The following PRKN variants were observed in gnomAD, a reference collection of about 807,000 sequenced individuals.
PRKN encodes parkin RBR E3 ubiquitin protein ligase, also known as E3 ubiquitin-protein ligase parkin.
In PRKN, 56 loss-of-function variants were observed where a neutral mutation model predicts 59.5. The ratio of observed to expected loss-of-function variants is 0.94; its 90% CI spans 0.76 to 1.18. The LOEUF is 1.18. Among genes scored for constraint, PRKN ranks in the 50% most tolerant of loss-of-function variants. PRKN has a pLI of 0.00. For synonymous variants in PRKN, 250 were observed against 222.1 expected (o/e 1.13, Z -1.12); for missense variants, 657 against 596.4 (o/e 1.10, Z -1.06).
chr6:161,402,414 T>G lies in PRKN; in HGVS notation c.1084-15537A>C, dbSNP rs1300733363. On this transcript the variant is annotated intron_variant, in intron 9 of 11. Transcript: ENST00000366898. The surrounding 1 kb of genome is among the most constrained non-coding windows in gnomAD (Gnocchi z 4.5). ...GCAAGTGACTGTGTCCCAGGGCGGC[T>G]GAGATAATGCGCGGATCTCAGGTGA... 6.6e-6 allele frequency among the ~76,000 whole-genome samples: 1 copy of G among 152,168 alleles called. No homozygotes were observed. Among genetic ancestry groups the G allele is most frequent in the East Asian group, 1.9e-4 (1 of 5,200 alleles).
chr6:161,362,633 G>A lies in PRKN; in HGVS notation c.1168-2428C>T, dbSNP rs1785020586. ...CCTAACCATCAGGCCTCGGACACGAGGGTTGGTGAAAAGAATTCATCCTAT... is the reference window on the plus strand; with the variant it reads ...CCTAACCATCAGGCCTCGGACACGAAGGTTGGTGAAAAGAATTCATCCTAT... On this transcript the variant is annotated intron_variant, in intron 10 of 11. Coordinates refer to ENST00000366898, the MANE Select transcript of PRKN (RefSeq NM_004562.3). The surrounding 1 kb of genome is among the most constrained non-coding windows in gnomAD (Gnocchi z 5.2). 6.6e-6 allele frequency among the ~76,000 whole-genome samples: 1 copy of A among 152,206 alleles called. No homozygotes were observed. Among genetic ancestry groups the A allele is most frequent in the African/African-American group, 2.4e-5 (1 of 41,448 alleles).
In PRKN at chr6:162,118,511, T is replaced by C. The variant is rs527816672; in HGVS notation, c.535-64337A>G. Among the ~76,000 whole-genome samples the C allele has an allele frequency of 1.3e-5, 2 of 152,328 alleles. 1 individual carries two copies. Among genetic ancestry groups the C allele is most frequent in the South Asian group, 4.1e-4 (2 of 4,824 alleles). Reference sequence around the variant, plus strand: ...TTCCCCTAGTTTTCAATATTATACATGAATGTATTTGCTTCATTTTTACAA... The same window carrying C: ...TTCCCCTAGTTTTCAATATTATACACGAATGTATTTGCTTCATTTTTACAA... On this transcript the variant is annotated intron_variant, in intron 4 of 11. Coordinates refer to ENST00000366898, the MANE Select transcript of PRKN (RefSeq NM_004562.3).
intron 6 of PRKN, among the ~76,000 whole-genome samples, chr6:161,798,107 G>A (rs181760337): frequency 3.9e-5 from 6 of 152,204 alleles, no homozygotes; most frequent in East Asian, 1.9e-4. Flanking sequence ...AGGCTAAGGC[G>A]GGAGAATGGC....
intron 1 of PRKN, among the ~76,000 whole-genome samples, chr6:162,702,070 T>G (rs1778177782): frequency 6.6e-6 from 1 of 152,166 alleles, no homozygotes. Context: ...TAAATTGATA[T>G]GTCTTTAAAA....
intron 7 of PRKN, among the ~76,000 whole-genome samples, chr6:161,669,011 G>C (rs894196032): frequency 6.6e-6 from 1 of 152,174 alleles, no homozygotes; most frequent in East Asian, 1.9e-4. Context: ...TAAGAAGTGG[G>C]CCTTTGGGAG....
At chr6:161,891,576 C>G (rs916202273) in intron 6 of PRKN, among the ~76,000 whole-genome samples, 1 of 152,134 alleles carries the variant, frequency 6.6e-6, no homozygotes, top group Non-Finnish European at 1.5e-5. Flanking sequence ...TTTAGAGTGT[C>G]TTCCAAGTAC....
chr6:162,094,945 T>C (rs535304640), intron 4 of PRKN, among the ~76,000 whole-genome samples: 1 of 152,232 alleles, frequency 6.6e-6, no homozygotes, highest in South Asian at 2.1e-4. Context: ...GCAAATAGTA[T>C]TGATGGAGAT....
chr6:162,723,328 C>G (rs965521138), intron 1 of PRKN, among the ~76,000 whole-genome samples: 1 of 152,222 alleles, frequency 6.6e-6, no homozygotes, highest in African/African-American at 2.4e-5. Context: ...TGTTTTTCAT[C>G]TGTCAAGACG....
At chr6:162,602,228 G>A (rs1207133135) in intron 1 of PRKN, among the ~76,000 whole-genome samples, 1 of 152,238 alleles carries the variant, frequency 6.6e-6, no homozygotes, top group East Asian at 1.9e-4. Context: ...GCTTTAGCCA[G>A]ATGAGGTGGC....
intron 7 of PRKN, among the ~76,000 whole-genome samples, chr6:161,630,481 T>A (rs1427342222): frequency 6.6e-6 from 1 of 152,124 alleles, no homozygotes; most frequent in African/African-American, 2.4e-5. Context: ...TAAACCAAAT[T>A]TATTTAATTT....
At chr6:161,844,435 T>C (rs541982133) in intron 6 of PRKN, among the ~76,000 whole-genome samples, 11 of 152,338 alleles carry the variant, frequency 7.2e-5, no homozygotes, top group African/African-American at 2.2e-4. Flanking sequence ...ACTCTAAGCC[T>C]GAAAGGCCAT....
In PRKN at chr6:161,377,041, G is replaced by A. The variant is rs974369744; in HGVS notation, c.1167+9753C>T. 2.0e-5 allele frequency among the ~76,000 whole-genome samples: 3 copies of A among 152,258 alleles called. No individual in the cohort carries two copies. The highest frequency in any genetic ancestry group is 2.0e-4 in the Admixed American group (3 of 15,286). On this transcript the variant is annotated intron_variant, in intron 10 of 11. Coordinates refer to ENST00000366898, the MANE Select transcript of PRKN (RefSeq NM_004562.3). The surrounding 1 kb of genome is among the most constrained non-coding windows in gnomAD (Gnocchi z 4.2). The stretch of plus-strand genomic sequence containing the variant: ...AAGGGCAGGGTCAGGCGGCATGCAA[G>A]CGCCCTGTCTCTGCGGCTGTGCACG...
intron 2 of PRKN, among the ~76,000 whole-genome samples, chr6:162,364,506 AAAGT>A (rs926049708): frequency 1.3e-5 from 2 of 152,218 alleles, no homozygotes; most frequent in African/African-American, 4.8e-5. Context: ...AGAAAGAAAG[AAAGT>A]ATCTACTTGG....
chr6:162,437,574 C>T (rs1405467236), intron 2 of PRKN, among the ~76,000 whole-genome samples: 1 of 152,154 alleles, frequency 6.6e-6, no homozygotes, highest in African/African-American at 2.4e-5. Context: ...TCGTACCCTC[C>T]TCTCACCTGC....
intron 2 of PRKN, among the ~76,000 whole-genome samples, chr6:162,401,230 T>C (rs189871297): frequency 5.3e-5 from 8 of 151,628 alleles, no homozygotes; most frequent in Admixed American, 4.6e-4. Flanking sequence ...AAAATAGAAA[T>C]TGCTGAATCA....
chr6:161,793,623 T>G (rs1411918696), intron 6 of PRKN, among the ~76,000 whole-genome samples: 2 of 151,318 alleles, frequency 1.3e-5, no homozygotes, highest in East Asian at 3.9e-4. Flanking sequence ...TGAAGACAAA[T>G]AATTAATTAT....
At chr6:162,611,894 G>T (rs1782169011) in intron 1 of PRKN, among the ~76,000 whole-genome samples, 1 of 152,082 alleles carries the variant, frequency 6.6e-6, no homozygotes, top group Non-Finnish European at 1.5e-5. Flanking sequence ...TGTATATAAA[G>T]AAATGATACA....
At chr6:162,293,661 C>A (rs1562646732) in intron 2 of PRKN, among the ~76,000 whole-genome samples, 1 of 151,050 alleles carries the variant, frequency 6.6e-6, no homozygotes, top group East Asian at 1.9e-4. Flanking sequence ...GGGCTCTCCT[C>A]CCAGCCTGAA....
At chr6:161,977,542 G>GTTTTTTTTTTTTTTTTTT (rs1554256833) in intron 5 of PRKN, among the ~76,000 whole-genome samples, 1 of 104,520 alleles carries the variant, frequency 9.6e-6, no homozygotes. Flanking sequence ...TGTTTTTTTG[G>GTTTTTTTTTTTTTTTTTT]TTTTTTTTTT....
Sources: allele counts gnomAD v4.1 joint callset (sites outside exome capture counted in the v4.1 genomes callset), GRCh38; gene constraint gnomAD v4.1.1; non-coding constraint Gnocchi (gnomAD v3.1); transcripts MANE v1.5; gene names NCBI Gene and HGNC (gene_info 2026-07-23, HGNC 2026-07-21).